The following SND1 variants were observed in gnomAD, a reference collection of about 807,000 sequenced individuals.
SND1 encodes staphylococcal nuclease and tudor domain containing 1.
In SND1, 38 loss-of-function variants were observed where a neutral mutation model predicts 121.7. The ratio of observed to expected loss-of-function variants is 0.31; its 90% CI spans 0.24 to 0.41. SND1 has a LOEUF of 0.41. Ranked by LOEUF, SND1 falls within the 10% of genes least tolerant of loss-of-function variation. SND1 has a pLI of 1.00. For missense variants in SND1, 868 were observed against 1,184.6 expected (o/e 0.73, Z 3.92); for synonymous variants, 401 against 447.4 (o/e 0.90, Z 1.31).
chr7:127,795,062 T>A (rs1041926083), intron 10 of SND1, among the ~76,000 whole-genome samples: 2 of 152,266 alleles, frequency 1.3e-5, no homozygotes, highest in Admixed American at 6.5e-5. Context: ...TAGATTTTTT[T>A]AAATGTCCTT....
intron 10 of SND1, among the ~76,000 whole-genome samples, chr7:127,725,928 T>C (rs548279747): frequency 5.3e-5 from 8 of 152,222 alleles, no homozygotes; most frequent in Admixed American, 2.0e-4. Flanking sequence ...CAAGGAAGCA[T>C]GGGGGAGGTT....
intron 16 of SND1, among the ~76,000 whole-genome samples, chr7:128,016,555 C>T (rs535087873): frequency 2.0e-5 from 3 of 152,282 alleles, no homozygotes; most frequent in African/African-American, 7.2e-5. Context: ...GGTCTCATTC[C>T]ACTGAAATGT....
intron 10 of SND1, among the ~76,000 whole-genome samples, chr7:127,784,872 T>C (rs1014822740): frequency 3.3e-5 from 5 of 152,198 alleles, no homozygotes; most frequent in African/African-American, 1.2e-4. Flanking sequence ...AGAAACCCCA[T>C]GATCATGAAA....
At chr7:127,761,541 C>T (rs1014870218) in intron 10 of SND1, among the ~76,000 whole-genome samples, 1 of 152,188 alleles carries the variant, frequency 6.6e-6, no homozygotes, top group Non-Finnish European at 1.5e-5. Flanking sequence ...AACACATAAT[C>T]GTATACACAC....
intron 16 of SND1, among the ~76,000 whole-genome samples, chr7:128,006,333 A>G (rs1159714979): frequency 6.6e-6 from 1 of 151,774 alleles, no homozygotes; most frequent in Non-Finnish European, 1.5e-5. Context: ...GTGTGCGTGC[A>G]TGTGTGTTTT....
rs1251231818 is a variant in SND1, at chr7:128,081,375, G to A, written c.1984G>A (p.Glu662Lys). Residue 662 changes from glutamate (E) to lysine (K), a missense_variant, in exon 18 of 24, where the codon GAG becomes AAG. Coordinates refer to ENST00000354725, the MANE Select transcript of SND1 (RefSeq NM_014390.4). Reference protein sequence around the residue: ...QKKEKVWAHYEEQPVEEVMPV... With the variant: ...QKKEKVWAHYKEQPVEEVMPV... ...GAACATGCAGGTCTGGGCCCACTATGAGGAGCAGCCCGTGGAGGAGGTGAT... is the reference window on the plus strand; with the variant it reads ...GAACATGCAGGTCTGGGCCCACTATAAGGAGCAGCCCGTGGAGGAGGTGAT... The A allele has an allele frequency of 5.2e-5, 84 of 1,614,074 alleles. No individual in the cohort carries two copies. Among genetic ancestry groups the A allele is most frequent in the Non-Finnish European group, 7.1e-5 (84 of 1,180,042 alleles).
chr7:128,010,581 A>G (rs1363223591), intron 16 of SND1, among the ~76,000 whole-genome samples: 1 of 152,218 alleles, frequency 6.6e-6, no homozygotes, highest in African/African-American at 2.4e-5. Flanking sequence ...TCAGCACCAG[A>G]GACACCATGA....
chr7:127,977,949 A>G (rs1265341299), intron 15 of SND1, among the ~76,000 whole-genome samples: 1 of 152,164 alleles, frequency 6.6e-6, no homozygotes, highest in Non-Finnish European at 1.5e-5. Flanking sequence ...GCAGAGGTTT[A>G]GGAGGAAGAA....
At chr7:127,856,537 T>C (rs995198787) in intron 12 of SND1, among the ~76,000 whole-genome samples, 8 of 152,092 alleles carry the variant, frequency 5.3e-5, no homozygotes, top group African/African-American at 1.9e-4. Context: ...ATCTTGGAGG[T>C]GAGTATGTAT....
chr7:127,908,357 T>TGC (rs1554441829), intron 14 of SND1, among the ~76,000 whole-genome samples: 28 of 142,352 alleles, frequency 2.0e-4, no homozygotes, highest in African/African-American at 5.4e-4. Context: ...TGTGTGTGTG[T>TGC]GTGCGTGCGT....
chr7:127,758,203 A>T (rs914781101), intron 10 of SND1, among the ~76,000 whole-genome samples: 2 of 152,246 alleles, frequency 1.3e-5, no homozygotes, highest in Admixed American at 6.5e-5. Flanking sequence ...GTCATAAAAC[A>T]GTATTGTTGA....
intron 11 of SND1, among the ~76,000 whole-genome samples, chr7:127,819,701 C>T (rs911317393): frequency 6.6e-6 from 1 of 152,142 alleles, no homozygotes; most frequent in Non-Finnish European, 1.5e-5. Context: ...ACCAGCAGGC[C>T]ACCTCTGAAG....
Position 127,806,002 on chromosome 7 carries a change from G to A in SND1, c.1153-1482G>A, listed in dbSNP as rs148075299. Among the ~76,000 whole-genome samples the A allele has an allele frequency of 2.7e-4, 41 of 152,276 alleles. No homozygotes were observed. In the East Asian group the frequency reaches 7.7e-3, roughly 29 times the overall value. ...ATATCAGTCTGCATGTTTCTTTGGAGCTACTTAAATCTAACTGTAGTTATT... is the reference window on the plus strand; with the variant it reads ...ATATCAGTCTGCATGTTTCTTTGGAACTACTTAAATCTAACTGTAGTTATT... On this transcript the variant is annotated intron_variant, in intron 10 of 23. Coordinates refer to ENST00000354725, the MANE Select transcript of SND1 (RefSeq NM_014390.4).
intron 16 of SND1, among the ~76,000 whole-genome samples, chr7:128,040,484 A>G (rs140512915): frequency 0.012 from 1,723 of 137,852 alleles, 48 homozygotes; most frequent in African/African-American, 0.043. Flanking sequence ...TTTGACACCT[A>G]AAAAAAAAAA....
chr7:128,075,201 G>A (rs1367448448), intron 17 of SND1, among the ~76,000 whole-genome samples: 1 of 152,240 alleles, frequency 6.6e-6, no homozygotes, highest in African/African-American at 2.4e-5. Flanking sequence ...GAGACAAGGG[G>A]GATGGGGTGG....
chr7:127,901,768 T>A (rs566011278), intron 13 of SND1, among the ~76,000 whole-genome samples: 1 of 152,224 alleles, frequency 6.6e-6, no homozygotes, highest in Non-Finnish European at 1.5e-5. Flanking sequence ...CTCTTGAATG[T>A]GCCAGAAATT....
chr7:127,779,274 T>G (rs1379088635), intron 10 of SND1, among the ~76,000 whole-genome samples: 3 of 152,206 alleles, frequency 2.0e-5, no homozygotes, highest in Non-Finnish European at 4.4e-5. Flanking sequence ...CAGTGTGCTG[T>G]TGAACAGAAC....
intron 10 of SND1, among the ~76,000 whole-genome samples, chr7:127,769,440 T>TG (rs750077164): frequency 3.3e-5 from 5 of 152,242 alleles, no homozygotes; most frequent in Non-Finnish European, 7.3e-5. Context: ...CCTGGAGTAT[T>TG]GAATTCCTGC....
At chr7:127,915,320 A>G (rs1043800858) in intron 14 of SND1, among the ~76,000 whole-genome samples, 21 of 152,084 alleles carry the variant, frequency 1.4e-4, no homozygotes, top group African/African-American at 5.1e-4. Context: ...AGCACACAGA[A>G]AGTCCTCTGT....
Sources: allele counts gnomAD v4.1 joint callset (sites outside exome capture counted in the v4.1 genomes callset), GRCh38; gene constraint gnomAD v4.1.1; transcripts MANE v1.5; gene names NCBI Gene and HGNC (gene_info 2026-07-23, HGNC 2026-07-21).